Variants in TUT7 observed in about 807,000 individuals in gnomAD.
TUT7 encodes terminal uridylyltransferase 7.
A neutral mutation model predicts 165.9 loss-of-function variants in TUT7; 33 were observed. The ratio of observed to expected loss-of-function variants is 0.20; its 90% CI spans 0.15 to 0.27. TUT7 has a LOEUF of 0.27. Among genes scored for constraint, TUT7 ranks in the 10% least tolerant of loss-of-function variants. TUT7 has a pLI of 1.00. For missense variants in TUT7, 1,338 were observed against 1,762.3 expected (o/e 0.76, Z 4.31); for synonymous variants, 552 against 608.1 (o/e 0.91, Z 1.36).
At chr9:86,295,379 T>C (rs1034699701) in intron 26 of TUT7, among the ~76,000 whole-genome samples, 2 of 152,120 alleles carry the variant, frequency 1.3e-5, no homozygotes, top group Non-Finnish European at 2.9e-5. Flanking sequence ...GCTTTGCAAC[T>C]ACAATGAAAG....
At position 86,322,332 on chromosome 9, in the gene TUT7, C is replaced by T. The variant is rs368677840; in HGVS notation, c.3021G>A (p.Gln1007=). The T allele has an allele frequency of 1.1e-4, 177 of 1,611,722 alleles. No homozygotes were observed. The highest frequency in any genetic ancestry group is 8.6e-4 in the Admixed American group (51 of 59,524). Residue 1007 remains glutamine, a synonymous_variant, in exon 14 of 27, where the codon CAG becomes CAA. Coordinates refer to ENST00000375963, the MANE Select transcript of TUT7 (RefSeq NM_024617.4). The part of the protein sequence containing the change: ...FLNILDQVCI[Q]CYKDFSPTII... ...GAAATGTGAATAACTTACTATAACA[C>T]TGGATACAGACTTGATCTAAGATAT...
Position 86,312,227 on chromosome 9 carries a change from C to T in TUT7, c.3275-1418G>A, listed in dbSNP as rs1490300829. ...TCTAGGAAGTGAGGAGCGTCTCTGCCCGGCCACCCATCGTCTGAGATGTGG... is the reference window on the plus strand; with the variant it reads ...TCTAGGAAGTGAGGAGCGTCTCTGCTCGGCCACCCATCGTCTGAGATGTGG... On this transcript the variant is annotated intron_variant, in intron 17 of 26. Coordinates refer to ENST00000375963, the MANE Select transcript of TUT7 (RefSeq NM_024617.4). 2.2e-4 allele frequency among the ~76,000 whole-genome samples: 33 copies of T among 151,636 alleles called. 1 individual carries two copies.
At chr9:86,293,149 A>C (rs980703922) in intron 26 of TUT7, among the ~76,000 whole-genome samples, 1 of 152,170 alleles carries the variant, frequency 6.6e-6, no homozygotes, top group African/African-American at 2.4e-5. Flanking sequence ...AACACATATA[A>C]GTGAGGTTAA....
At chr9:86,353,439 T>C (rs1232437972) in intron 1 of TUT7, among the ~76,000 whole-genome samples, 5 of 152,154 alleles carry the variant, frequency 3.3e-5, no homozygotes, top group Non-Finnish European at 7.3e-5. Flanking sequence ...TTCATGAAAA[T>C]TAATACTTAC....
intron 11 of TUT7, 94 bp downstream of exon 11, chr9:86,328,246 G>T: frequency 7.8e-7 from 1 of 1,282,336 alleles, no homozygotes; most frequent in Non-Finnish European, 1.0e-6. Flanking sequence ...CCACGAAATA[G>T]TAAAGATAGT....
At chr9:86,344,325 G>A (rs1831571464) in intron 5 of TUT7, among the ~76,000 whole-genome samples, 1 of 151,958 alleles carries the variant, frequency 6.6e-6, no homozygotes, top group Non-Finnish European at 1.5e-5. Context: ...ATGATGTGGG[G>A]TGGGGTTTGT....
At chr9:86,308,847 A>C (rs963988369) in intron 21 of TUT7, among the ~76,000 whole-genome samples, 1 of 152,228 alleles carries the variant, frequency 6.6e-6, no homozygotes, top group African/African-American at 2.4e-5. Context: ...TAGTCAGAAG[A>C]TCCAGAAATA....
chr9:86,323,793 G>T lies in TUT7; in HGVS notation c.1957C>A (p.His653Asn). ...PLNAITCISE[H>N]SKEVINHHPD... is the part of the protein sequence containing the mutation. ...TGATGATTTATTACTTCTTTAGAAT[G>T]TTCTGAAATACATGTAATTGCATTC... Residue 653 changes from histidine to asparagine, a missense_variant, in exon 13 of 27, where the codon CAT becomes AAT. His to Asn is a moderately conservative substitution (Grantham distance 68, BLOSUM62 1). Transcript: ENST00000375963. 3 of 1,613,924 alleles carry T rather than the reference G, an allele frequency of 1.9e-6. No homozygotes were observed. The highest frequency in any genetic ancestry group is 2.5e-6 in the Non-Finnish European group (3 of 1,179,932).
Position 86,346,363 on chromosome 9 carries a change from T to C in TUT7, c.638A>G (p.Glu213Gly). Residue 213 changes from glutamate to glycine, a missense_variant, in exon 3 of 27, where the codon GAG becomes GGG. Transcript: ENST00000375963. ...CTCAGCCTGCTGTAAGCCTAGCAGC[T>C]CCTTCGTTGAAAGTACAGACTCATC... is the stretch of plus-strand genomic sequence containing the variant. ...VIDESVLSTKELLGLQQAEER... is the reference protein window; with the variant it reads ...VIDESVLSTKGLLGLQQAEER... 6.2e-7 allele frequency: 1 copy of C among 1,614,146 alleles called. No individual in the cohort carries two copies. Among genetic ancestry groups the C allele is most frequent in the South Asian group, 1.1e-5 (1 of 91,086 alleles).
intron 22 of TUT7, among the ~76,000 whole-genome samples, chr9:86,308,207 A>G (rs1476215044): frequency 6.6e-6 from 1 of 152,126 alleles, no homozygotes; most frequent in African/African-American, 2.4e-5. Context: ...ATCCTTCAGT[A>G]TGTGTCCAAC....
rs757575568 is a variant in TUT7, at chr9:86,345,101, C to G, written c.873G>C (p.Gln291His). 1.9e-6 allele frequency: 3 copies of G among 1,613,604 alleles called. No homozygotes were observed. The highest frequency in any genetic ancestry group is 3.3e-5 in the Admixed American group (2 of 59,936). ...CAATGGCAATGCCAACTGCATTTAT[C>G]TGGGAGGGTGTTGGTGGGGGTAACG... Reference protein sequence around the residue: ...LTTLPPPTPSQINAVGIAIDK... With the variant: ...LTTLPPPTPSHINAVGIAIDK... The change falls in exon 5 of 27, where the codon CAG (glutamine) becomes CAC (histidine). Residue 291 changes from glutamine to histidine, a missense_variant. Gln to His is a conservative substitution (Grantham distance 24, BLOSUM62 0). This residue lies in a region of TUT7 where 434 missense variants were observed against 480.8 expected (regional missense o/e 0.90). Coordinates refer to ENST00000375963, the MANE Select transcript of TUT7 (RefSeq NM_024617.4).
rs755829318 is a variant in TUT7 at position 86,309,481 on chromosome 9, G to C, written c.3564C>G (p.Val1188=). ...LYFLQQRNPP[V]IPVLQEIYKG... ...CTAATACCTCTTGAAGGACAGGAAT[G>C]ACTGGTGGATTCCTCTGCTGGAGAA... Residue 1188 remains valine (V), a synonymous_variant, in exon 20 of 27, where the codon GTC becomes GTG. Transcript: ENST00000375963. 9 of 1,611,322 alleles carry C rather than the reference G, an allele frequency of 5.6e-6. No homozygotes were observed. In the African/African-American group the frequency reaches 1.2e-4, roughly 22 times the overall value.
chr9:86,290,714 C>T (rs568819676), intron 26 of TUT7, among the ~76,000 whole-genome samples: 1 of 148,564 alleles, frequency 6.7e-6, no homozygotes, highest in Non-Finnish European at 1.5e-5. Context: ...AAAAAATTAG[C>T]TGGGTTATGG....
At chr9:86,298,332 T>A (rs552829523) in intron 26 of TUT7, among the ~76,000 whole-genome samples, 1 of 152,322 alleles carries the variant, frequency 6.6e-6, no homozygotes, top group South Asian at 2.1e-4. Flanking sequence ...AGAGGCTGGA[T>A]AGCTATTTGT....
chr9:86,296,305 T>C (rs1564022494), intron 26 of TUT7, among the ~76,000 whole-genome samples: 1 of 152,224 alleles, frequency 6.6e-6, no homozygotes, highest in Non-Finnish European at 1.5e-5. Flanking sequence ...TTGGGCTGGA[T>C]TTCAAACTCA....
rs149395088 is a variant in TUT7, at chr9:86,293,489, T to TA, written c.4421-4746dup. 1.9e-3 allele frequency among the ~76,000 whole-genome samples: 288 copies of TA among 150,810 alleles called. 2 individuals are homozygous for TA. The highest frequency in any genetic ancestry group is 5.7e-3 in the African/African-American group (232 of 41,054). ...ACAAAGAAAGATAGATGAAATCATG[T>TA]AAAAAAAAATGGTAAAGTTCAATGG... On this transcript the variant is annotated intron_variant, in intron 26 of 26. Coordinates refer to ENST00000375963, the MANE Select transcript of TUT7 (RefSeq NM_024617.4).
intron 14 of TUT7, 124 bp from the exon 15 acceptor site, chr9:86,319,794 T>C: frequency 1.5e-6 from 1 of 683,480 alleles, no homozygotes; most frequent in Non-Finnish European, 2.5e-6. Flanking sequence ...TCCTAAATCA[T>C]TGTGTCTTCT....
intron 10 of TUT7, among the ~76,000 whole-genome samples, chr9:86,335,185 G>C (rs1564083052): frequency 6.6e-6 from 1 of 152,178 alleles, no homozygotes; most frequent in Admixed American, 6.5e-5. Context: ...TTGAGGCTCA[G>C]AGATTAAATA....
In TUT7 at chr9:86,343,168, A is replaced by T. The variant is rs764931102; in HGVS notation, c.998-5T>A. 1.1e-5 allele frequency: 17 copies of T among 1,494,048 alleles called. No homozygotes were observed. Among genetic ancestry groups the T allele is most frequent in the African/African-American group, 4.3e-5 (3 of 70,388 alleles). The allele number at this position is 1,494,048 out of a possible 1,614,324, so 92.5% of individuals were successfully genotyped here. A position where few individuals can be genotyped will look rare whatever the true frequency, so the allele number is the denominator to read the frequency against. On this transcript the variant is annotated splice_region_variant and splice_polypyrimidine_tract_variant and intron_variant, in intron 5 of 26. Transcript: ENST00000375963. ...CATATAATCTTAGGGAACAATCTAA[A>T]AAATAAATAAATAAATAAAAGTAAT...
Sources: allele counts gnomAD v4.1 joint callset (sites outside exome capture counted in the v4.1 genomes callset), GRCh38; gene constraint gnomAD v4.1.1; regional missense constraint gnomAD v4.1.1; transcripts MANE v1.5; gene names NCBI Gene and HGNC (gene_info 2026-07-23, HGNC 2026-07-21).